The following FAM153A variants were observed in gnomAD, a reference collection of about 807,000 sequenced individuals.
FAM153A encodes family with sequence similarity 153 member A, also known as protein FAM153A.
A neutral mutation model predicts 48.1 loss-of-function variants in FAM153A; 12 were observed. That is an observed-to-expected ratio of 0.25 (90% CI 0.16 to 0.40). The LOEUF is 0.40. FAM153A is among the 10% of genes least tolerant of loss of function. The probability of loss-of-function intolerance (pLI) is 1.00; values close to 1 mark genes in which losing one functional copy is unlikely to be tolerated. For synonymous variants in FAM153A, 36 were observed against 118.2 expected, an observed-to-expected ratio of 0.30 and a Z score of 4.51; for missense variants, 111 against 345.8, an observed-to-expected ratio of 0.32 and a Z score of 5.38.
intron 8 of FAM153A, 123 bp from the exon 11 acceptor site, chr5:177,739,793 G>A (rs1225364302): frequency 2.4e-5 from 3 of 123,496 alleles, no homozygotes; most frequent in African/African-American, 2.7e-4. Flanking sequence ...AGACGGAGCC[G>A]CAGGCCCTTT....
chr5:177,700,172 T>G, the FAM153A span, among the ~76,000 whole-genome samples: 1 of 151,842 alleles, frequency 6.6e-6, no homozygotes, highest in African/African-American at 2.4e-5. Flanking sequence ...ATGAATAAAC[T>G]AGGAATAGGA....
chr5:177,770,581 C>T lies in FAM153A; in HGVS notation c.-57+9868G>A, dbSNP rs199614163. Among the ~76,000 whole-genome samples the T allele has an allele frequency of 4.1e-3, 340 of 83,926 alleles. 19 individuals are homozygous for T. The highest frequency in any genetic ancestry group is 6.5e-3 in the Middle Eastern group (1 of 154). 55.1% of individuals were successfully genotyped at this position (83,926 alleles called of 152,430 possible). A position where few individuals can be genotyped will look rare whatever the true frequency, so the allele number is the denominator to read the frequency against. ...CAGATAAAAGATCAGTGGTTTCCAG[C>T]AGCTGCTAGGGAGAAAGGGAGAGAT... On this transcript the variant is annotated intron_variant, in intron 1 of 8. Transcript: ENST00000393518.
At chr5:177,708,237 A>G (rs1162751662), downstream of FAM153A, among the ~76,000 whole-genome samples, 1 of 148,618 alleles carries the variant, frequency 6.7e-6, no homozygotes, top group East Asian at 2.0e-4. Flanking sequence ...CACTGGTTTC[A>G]GGGTTTGGGA....
At chr5:177,723,191 T>G (rs1761510137), downstream of FAM153A, 1 of 136,484 alleles carries the variant, frequency 7.3e-6, no homozygotes, top group African/African-American at 2.6e-5. Flanking sequence ...GACCTGGTCT[T>G]TCTAGCATCC....
At chr5:177,739,189 T>G (rs1765173325) in intron 9 of FAM153A, 52 bp from the exon 12 acceptor site, 1 of 1,590,180 alleles carries the variant, frequency 6.3e-7, no homozygotes. Flanking sequence ...GCTGTCTCTG[T>G]GCACAGGTCT....
chr5:177,697,857 T>C, the FAM153A span, among the ~76,000 whole-genome samples: 43 of 151,502 alleles, frequency 2.8e-4, no homozygotes, highest in Non-Finnish European at 5.2e-4. Context: ...TCCTTAGTGT[T>C]CTATTCTGCA....
chr5:177,709,278 T>C (rs1758168654), downstream of FAM153A, among the ~76,000 whole-genome samples: 2 of 103,866 alleles, frequency 1.9e-5, no homozygotes, highest in Admixed American at 1.2e-4. Context: ...TTTTTTTTTG[T>C]AGTCTTCCTG....
chr5:177,766,036 G>A (rs144968504), intron 1 of FAM153A, among the ~76,000 whole-genome samples: 20,665 of 107,542 alleles, frequency 0.19, 4,702 homozygotes, highest in African/African-American at 0.47. Context: ...AGAATCGCTT[G>A]AACTCGGGCG....
the FAM153A span, among the ~76,000 whole-genome samples, chr5:177,698,331 T>C: frequency 6.6e-6 from 1 of 151,982 alleles, no homozygotes; most frequent in African/African-American, 2.4e-5. Context: ...TATAGTTTTC[T>C]TCATTCTTAA....
At chr5:177,755,512 G>C (rs1203121617), upstream of FAM153A, among the ~76,000 whole-genome samples, 12 of 151,680 alleles carry the variant, frequency 7.9e-5, no homozygotes, top group East Asian at 7.8e-4. Flanking sequence ...TCGAGAAGAG[G>C]AACTCCAAGA....
At chr5:177,702,393 C>T in the FAM153A span, among the ~76,000 whole-genome samples, 1 of 151,652 alleles carries the variant, frequency 6.6e-6, no homozygotes, top group Non-Finnish European at 1.5e-5. Context: ...CACTCATATG[C>T]ATGAGCAAAG....
the FAM153A span, among the ~76,000 whole-genome samples, chr5:177,702,528 A>C: frequency 6.6e-6 from 1 of 151,968 alleles, no homozygotes; most frequent in Non-Finnish European, 1.5e-5. Flanking sequence ...AGAAATTTGC[A>C]TACGTAAAAA....
chr5:177,710,496 T>G (rs369107815), downstream of FAM153A, among the ~76,000 whole-genome samples: 17 of 151,740 alleles, frequency 1.1e-4, no homozygotes, highest in Non-Finnish European at 4.4e-5. Context: ...TGAGCAGTGT[T>G]TTGTTCTCTG....
chr5:177,751,659 G>A (rs79009426), intron 1 of FAM153A, among the ~76,000 whole-genome samples: 17,792 of 147,560 alleles, frequency 0.12, 1,385 homozygotes, highest in East Asian at 0.32. Flanking sequence ...GGCCCAGAGA[G>A]ATGGGCAGAG....
chr5:177,725,678 G>T (rs1247166527), intron 18 of FAM153A, among the ~76,000 whole-genome samples: 1 of 151,450 alleles, frequency 6.6e-6, no homozygotes, highest in African/African-American at 2.5e-5. Context: ...AGAAGGACAA[G>T]GCTGCTGAGC....
At chr5:177,710,352 T>TCC (rs1179608509), downstream of FAM153A, among the ~76,000 whole-genome samples, 11 of 151,536 alleles carry the variant, frequency 7.3e-5, no homozygotes, top group East Asian at 1.9e-4. Flanking sequence ...CCTCAGGTGA[T>TCC]TCTCCTATCT....
chr5:177,700,074 C>T, the FAM153A span, among the ~76,000 whole-genome samples: 7 of 152,052 alleles, frequency 4.6e-5, no homozygotes, highest in East Asian at 9.6e-4. Context: ...CAATATAATA[C>T]ACCATATTAA....
At position 177,725,720 on chromosome 5, in the gene FAM153A, A is replaced by G. The variant is rs1382567627; in HGVS notation, c.965-899T>C. Among the ~76,000 whole-genome samples, 3 of 151,818 alleles carry G rather than the reference A, an allele frequency of 2.0e-5. No homozygotes were observed. In the East Asian group the frequency reaches 5.8e-4, roughly 29 times the overall value. On this transcript the variant is annotated intron_variant, in intron 18 of 20. Transcript: ENST00000614127. ...GGAGGGTGTGACAAGACAAGTGACT[A>G]CTGTGCCAGCTGCCCAGAGGCTCTG... is the stretch of plus-strand genomic sequence containing the variant.
chr5:177,700,412 T>C, the FAM153A span, among the ~76,000 whole-genome samples: 2 of 151,970 alleles, frequency 1.3e-5, no homozygotes, highest in Non-Finnish European at 2.9e-5. Context: ...GCAGATGACA[T>C]GATCCTGAAT....
Sources: allele counts gnomAD v4.1 joint callset (sites outside exome capture counted in the v4.1 genomes callset), GRCh38; gene constraint gnomAD v4.1.1; transcripts MANE v1.5; gene names NCBI Gene and HGNC (gene_info 2026-07-23, HGNC 2026-07-21).